Variants in TUBGCP5 observed in about 807,000 individuals in gnomAD.
TUBGCP5 encodes tubulin gamma complex component 5.
Under a neutral mutation model 134.7 loss-of-function variants are expected in TUBGCP5, and 98 were observed. The ratio of observed to expected loss-of-function variants is 0.73; its 90% CI spans 0.62 to 0.86. The LOEUF (loss-of-function observed/expected upper bound fraction) is 0.86. TUBGCP5 is among the 40% of genes least tolerant of loss of function. The pLI is 0.00. For synonymous variants in TUBGCP5, 456 were observed against 431.4 expected, an observed-to-expected ratio of 1.06 and a Z score of -0.71; for missense variants, 1,150 against 1,244.8, an observed-to-expected ratio of 0.92 and a Z score of 1.15.
intron 13 of TUBGCP5, among the ~76,000 whole-genome samples, chr15:23,017,368 G>A (rs1305202745): frequency 3.9e-5 from 6 of 152,114 alleles, no homozygotes; most frequent in African/African-American, 9.7e-5. Flanking sequence ...GATGATGGAA[G>A]TGCTAATTAT....
At chr15:23,028,980 T>C (rs1595896400) in intron 6 of TUBGCP5, among the ~76,000 whole-genome samples, 1 of 152,256 alleles carries the variant, frequency 6.6e-6, no homozygotes, top group Non-Finnish European at 1.5e-5. Flanking sequence ...CAGAAAGCAA[T>C]ATTATTTCTT....
rs1489349963 is a variant in TUBGCP5 at position 23,011,166 on chromosome 15, A to T, written c.1922T>A (p.Val641Asp). The change falls in exon 14 of 23, where the codon GTT becomes GAT. Residue 641 changes from valine to aspartate, a missense_variant. Transcript: ENST00000615383. ...GTTAATGGCAAGCAGTGGATCATGA[A>T]CATCATCCAGTTCAAGATGGCTTTC... ...IAESHLELDD[V>D]HDPLLAINFA... 1 of 1,614,044 alleles carries T rather than the reference A, an allele frequency of 6.2e-7. No individual in the cohort carries two copies. Among genetic ancestry groups the T allele is most frequent in the Admixed American group, 1.7e-5 (1 of 60,022 alleles).
At chr15:23,009,878 A>C in intron 15 of TUBGCP5, 67 bp downstream of exon 15, 1 of 1,440,828 alleles carries the variant, frequency 6.9e-7, no homozygotes, top group South Asian at 1.4e-5. Context: ...AGGTTTTAAA[A>C]TAATCTCAAC....
intron 7 of TUBGCP5, 118 bp downstream of exon 7, chr15:23,027,074 G>T: frequency 1.2e-6 from 1 of 800,120 alleles, no homozygotes; most frequent in Non-Finnish European, 2.0e-6. Flanking sequence ...AAAAAGAATT[G>T]TCAAAACAAA....
Position 23,030,862 on chromosome 15 carries a change from G to A in TUBGCP5, c.622+23C>T, listed in dbSNP as rs557113003. 181 of 1,598,208 alleles carry A rather than the reference G, an allele frequency of 1.1e-4. 1 individual carries two copies. The highest frequency in any genetic ancestry group is 1.5e-4 in the Non-Finnish European group (172 of 1,176,168). On this transcript the variant is annotated intron_variant, in intron 6 of 22. Coordinates refer to ENST00000615383, the MANE Select transcript of TUBGCP5 (RefSeq NM_052903.6). The stretch of plus-strand genomic sequence containing the variant: ...AGGGAATTTGTCTATTAGAAAATGC[G>A]AGCACCTCATAACACATAATACCTT...
In TUBGCP5 at chr15:22,988,870, G is replaced by A. The variant is rs184207359; in HGVS notation, c.*62-5259C>T. ...CAACCTCCGATTCCCTGGTTCAAGC[G>A]ATTCAGGCATGCACCACCAGGCCCA... On this transcript the variant is annotated intron_variant and NMD_transcript_variant, in intron 23 of 23. Coordinates refer to the TUBGCP5 transcript ENST00000614508. Among the ~76,000 whole-genome samples, 296 of 152,126 alleles carry A rather than the reference G, an allele frequency of 1.9e-3. 3 individuals are homozygous for A. The highest frequency in any genetic ancestry group is 6.5e-3 in the African/African-American group (271 of 41,512).
In TUBGCP5 at chr15:23,003,629, T is replaced by C. The variant is rs1464939496; in HGVS notation, c.2838+473A>G. ...TTTCTACGAATAGGGCACTCCTCCT[T>C]CTGTTTTTTTTTTTTTTTTTTTTTT... On this transcript the variant is annotated intron_variant, in intron 20 of 22. Transcript: ENST00000615383. Among the ~76,000 whole-genome samples the C allele has an allele frequency of 3.7e-5, 5 of 134,858 alleles. No individual in the cohort carries two copies. In the South Asian group the frequency reaches 1.2e-3, roughly 33 times the overall value. The allele number at this position is 134,858 out of a possible 152,430, so 88.5% of individuals were successfully genotyped here.
chr15:22,985,553 G>T (rs1004990244), intron 23 of TUBGCP5, among the ~76,000 whole-genome samples: 1 of 151,996 alleles, frequency 6.6e-6, no homozygotes, highest in East Asian at 1.9e-4. Flanking sequence ...ATTTATAATC[G>T]CAAAAAACTA....
At chr15:23,020,388 C>T (rs1265124351) in intron 11 of TUBGCP5, among the ~76,000 whole-genome samples, 12 of 149,332 alleles carry the variant, frequency 8.0e-5, no homozygotes, top group Non-Finnish European at 1.6e-4. Context: ...GCCTGGGCGA[C>T]AGGGCGAGAC....
intron 23 of TUBGCP5, among the ~76,000 whole-genome samples, chr15:22,987,769 G>T (rs1053510734): frequency 6.6e-6 from 1 of 151,508 alleles, no homozygotes; most frequent in African/African-American, 2.4e-5. Flanking sequence ...GGTGGCGGGT[G>T]CCTGTAGTCC....
intron 23 of TUBGCP5, among the ~76,000 whole-genome samples, chr15:22,985,197 T>C (rs1188247843): frequency 6.7e-6 from 1 of 148,546 alleles, no homozygotes. Context: ...AAAACTTGTA[T>C]AATTAATAGT....
At chr15:22,991,577 G>GTGT (rs34369119) in intron 23 of TUBGCP5, among the ~76,000 whole-genome samples, 20,443 of 152,094 alleles carry the variant, frequency 0.13, 1,785 homozygotes, top group East Asian at 0.45. Flanking sequence ...TGGCTCACAC[G>GTGT]TGTTGTGGGT....
chr15:23,026,138 G>C lies in TUBGCP5; in HGVS notation c.805C>G (p.Gln269Glu). Residue 269 changes from glutamine (Q) to glutamate (E), a missense_variant, in exon 8 of 23, where the codon CAG (glutamine) becomes GAG (glutamate). By Grantham distance (29) the Gln-to-Glu change is conservative. Transcript: ENST00000615383. ...PDDRVLVTETQVIRETLWLLS... is the reference protein window; with the variant it reads ...PDDRVLVTETEVIRETLWLLS... ...TACCATAGGGTTTCCCGAATAACCT[G>C]AGTCTCAGTAACCAAAACCCTGTCA... The C allele has an allele frequency of 1.2e-6, 2 of 1,609,908 alleles. No homozygotes were observed. The highest frequency in any genetic ancestry group is 1.1e-5 in the South Asian group (1 of 90,012).
At chr15:22,985,265 C>T (rs562519178) in intron 23 of TUBGCP5, among the ~76,000 whole-genome samples, 1 of 152,164 alleles carries the variant, frequency 6.6e-6, no homozygotes, top group South Asian at 2.1e-4. Flanking sequence ...GTTGCCCAGG[C>T]TGGAGTACAA....
chr15:23,036,786 C>A (rs891793567), intron 3 of TUBGCP5, 111 bp downstream of exon 3: 2 of 767,286 alleles, frequency 2.6e-6, no homozygotes, highest in African/African-American at 3.5e-5. Flanking sequence ...ATCCCGTTAG[C>A]CAGTAGATAA....
chr15:23,027,242 G>A lies in TUBGCP5; in HGVS notation c.687C>T (p.Pro229=). The A allele has an allele frequency of 6.2e-7, 1 of 1,614,050 alleles. No homozygotes were observed. The highest frequency in any genetic ancestry group is 8.5e-7 in the Non-Finnish European group (1 of 1,179,982). The part of the protein sequence containing the change: ...HVVHQYWTAR[P]SQFPHSLHLH... ...AATGTAAACTATGAGGAAACTGGGAGGGCCTGGCTGTCCAGTACTGATGGA... is the reference window on the plus strand; with the variant it reads ...AATGTAAACTATGAGGAAACTGGGAAGGCCTGGCTGTCCAGTACTGATGGA... The change falls in exon 7 of 23, where the codon CCC becomes CCT. Residue 229 remains proline (P), a synonymous_variant. Coordinates refer to ENST00000615383, the MANE Select transcript of TUBGCP5 (RefSeq NM_052903.6).
chr15:22,996,100 A>C (rs1222294900), downstream of TUBGCP5, among the ~76,000 whole-genome samples: 10 of 152,234 alleles, frequency 6.6e-5, no homozygotes, highest in Non-Finnish European at 1.3e-4. Flanking sequence ...GACGCATTTA[A>C]AAATTCCTCT....
chr15:23,037,792 A>G (rs1221300532), intron 1 of TUBGCP5, among the ~76,000 whole-genome samples: 1 of 152,174 alleles, frequency 6.6e-6, no homozygotes, highest in African/African-American at 2.4e-5. Flanking sequence ...CTTCATTCAT[A>G]ATAGAAGGAG....
rs769361726 is a variant in TUBGCP5 at position 23,034,429 on chromosome 15, A to G, written c.310-1605T>C. 2.3e-4 allele frequency among the ~76,000 whole-genome samples: 35 copies of G among 152,364 alleles called. 1 individual carries two copies. Among genetic ancestry groups the G allele is most frequent in the Non-Finnish European group, 4.9e-4 (33 of 68,030 alleles). On this transcript the variant is annotated intron_variant, in intron 3 of 22. Transcript: ENST00000615383. ...AAGAGTGCTAATGAAAAATGTGGAT[A>G]ACAAGGAAGAACAGATCAGAAATAT...
Sources: gnomAD v4.1 joint callset for allele counts (sites outside exome capture counted in the v4.1 genomes callset) on GRCh38, gnomAD v4.1.1 for gene constraint, MANE v1.5 for transcripts, NCBI Gene and HGNC (gene_info 2026-07-23, HGNC 2026-07-21) for gene names.